The following MAP3K5 variants were observed in gnomAD, a reference collection of about 807,000 sequenced individuals.
MAP3K5 encodes the protein mitogen-activated protein kinase kinase kinase 5.
MAP3K5 carries 56 observed loss-of-function variants against 158.7 expected under a neutral mutation model. That is an observed-to-expected ratio of 0.35 (90% CI 0.28 to 0.44). The LOEUF is 0.44. MAP3K5 is among the 20% of genes least tolerant of loss of function. The pLI is 1.00. For missense variants in MAP3K5, 1,294 were observed against 1,674.8 expected (o/e 0.77, Z 3.97); for synonymous variants, 579 against 601.7 (o/e 0.96, Z 0.55).
In MAP3K5 at chr6:136,792,041, G is replaced by A. The variant is rs1175164234; in HGVS notation, c.117C>T (p.Gly39=). The A allele has an allele frequency of 1.3e-6, 2 of 1,541,930 alleles. No individual in the cohort carries two copies. The highest frequency in any genetic ancestry group is 2.1e-5 in the Admixed American group (1 of 47,594). ...GTGGCAGCTGGTGCTCCTCGCCCTC[G>A]CCCACCGCCGCCGCTCCTCCCCTCC... ...ICRRGGAAAV[G]EGEEHQLPPP... is the part of the protein sequence containing the mutation. The change falls in exon 1 of 30, where the codon GGC becomes GGT. Residue 39 remains glycine (G), a synonymous_variant. Transcript: ENST00000359015. This position sits in a 1 kb window ranked among gnomAD's most constrained non-coding sequence, Gnocchi z 5.7.
chr6:136,640,379 G>A (rs115254190), intron 12 of MAP3K5, among the ~76,000 whole-genome samples: 1 of 152,220 alleles, frequency 6.6e-6, no homozygotes, highest in Non-Finnish European at 1.5e-5. Context: ...TGAAGGACCA[G>A]ATGTAGTCCA....
At position 136,779,420 on chromosome 6, in the gene MAP3K5, G is replaced by A. The variant is rs117915805; in HGVS notation, c.448+12290C>T. Among the ~76,000 whole-genome samples, 52 of 136,902 alleles carry A rather than the reference G, an allele frequency of 3.8e-4. No homozygotes were observed. The East Asian group carries it at 0.01, about 26-fold the overall frequency. 89.8% of individuals were successfully genotyped at this position (136,902 alleles called of 152,430 possible). A position where few individuals can be genotyped will look rare whatever the true frequency, so the allele number is the denominator to read the frequency against. On this transcript the variant is annotated intron_variant, in intron 1 of 29. Coordinates refer to ENST00000359015, the MANE Select transcript of MAP3K5 (RefSeq NM_005923.4). ...ATCATGCCACTGAACTTTAGCCTGG[G>A]CAACAGAGTGACACCCTGTCTCAAA...
chr6:136,784,262 C>T (rs9483947), intron 1 of MAP3K5, among the ~76,000 whole-genome samples: 95,080 of 152,118 alleles, frequency 0.63, 29,824 homozygotes, highest in Admixed American at 0.68. Context: ...CAACATGCAG[C>T]TGATGATGTG....
Position 136,592,259 on chromosome 6 carries a change from C to G in MAP3K5, c.3139G>C (p.Asp1047His). 6.2e-7 allele frequency: 1 copy of G among 1,612,144 alleles called. No homozygotes were observed. Among genetic ancestry groups the G allele is most frequent in the Non-Finnish European group, 8.5e-7 (1 of 1,179,218 alleles). ...TGAAGGGTAGCTCGCCTCTCACTGTCCTTCCTCAGCATGAAGAATCCAGAA... is the reference window on the plus strand; with the variant it reads ...TGAAGGGTAGCTCGCCTCTCACTGTGCTTCCTCAGCATGAAGAATCCAGAA... Reference protein sequence around the residue: ...KDSGFFMLRKDSERRATLHRI... With the variant: ...KDSGFFMLRKHSERRATLHRI... Residue 1047 changes from aspartate to histidine, a missense_variant, in exon 23 of 30, where the codon GAC (aspartate) becomes CAC (histidine). Around this residue, in one of 5 missense-constraint regions of MAP3K5, gnomAD observed 362 missense variants for 463.2 expected, o/e 0.78. Coordinates refer to ENST00000359015, the MANE Select transcript of MAP3K5 (RefSeq NM_005923.4).
chr6:136,761,645 G>A (rs1015241697), intron 1 of MAP3K5, among the ~76,000 whole-genome samples: 13 of 152,168 alleles, frequency 8.5e-5, no homozygotes, highest in South Asian at 2.1e-4. Context: ...GCAACCCTGC[G>A]GCTGGGGCTG....
intron 1 of MAP3K5, among the ~76,000 whole-genome samples, chr6:136,763,608 C>T (rs1426542311): frequency 1.3e-5 from 2 of 152,160 alleles, no homozygotes; most frequent in Non-Finnish European, 2.9e-5. Flanking sequence ...ATTTCAATTG[C>T]TACTTTTTCA....
At chr6:136,619,290 T>C (rs1583283319) in intron 15 of MAP3K5, among the ~76,000 whole-genome samples, 2 of 151,794 alleles carry the variant, frequency 1.3e-5, no homozygotes, top group South Asian at 4.2e-4. Flanking sequence ...GTGGCTGGAG[T>C]GGAAGTGAGG....
intron 25 of MAP3K5, among the ~76,000 whole-genome samples, chr6:136,579,142 T>C (rs1211221974): frequency 1.3e-5 from 2 of 152,156 alleles, no homozygotes; most frequent in African/African-American, 4.8e-5. Flanking sequence ...TTTATATAAA[T>C]ATATATAAAT....
At chr6:136,769,752 G>T (rs1784103345) in intron 1 of MAP3K5, among the ~76,000 whole-genome samples, 1 of 23,366 alleles carries the variant, frequency 4.3e-5, no homozygotes, top group Non-Finnish European at 7.6e-5. Flanking sequence ...AGGAAGGAAG[G>T]AAGGAAGGAA....
At chr6:136,723,109 A>G (rs551346863) in intron 1 of MAP3K5, among the ~76,000 whole-genome samples, 1 of 114,520 alleles carries the variant, frequency 8.7e-6, no homozygotes, top group African/African-American at 3.8e-5. Flanking sequence ...TTACCCGTCC[A>G]TTGAAAAAAT....
chr6:136,621,845 G>A (rs1437551635), intron 15 of MAP3K5, among the ~76,000 whole-genome samples: 1 of 152,210 alleles, frequency 6.6e-6, no homozygotes, highest in Non-Finnish European at 1.5e-5. Context: ...CCAGCACTTT[G>A]GGAGGCCGAG....
At chr6:136,594,645 C>G (rs1775541282) in intron 21 of MAP3K5, among the ~76,000 whole-genome samples, 1 of 152,134 alleles carries the variant, frequency 6.6e-6, no homozygotes, top group South Asian at 2.1e-4. Flanking sequence ...GTTTCTTCAC[C>G]AGCCCATTTT....
intron 19 of MAP3K5, among the ~76,000 whole-genome samples, chr6:136,604,286 C>T (rs1776004966): frequency 6.6e-6 from 1 of 150,782 alleles, no homozygotes; most frequent in Non-Finnish European, 1.5e-5. Flanking sequence ...CGCGCCACTG[C>T]ACTCCAGCCT....
chr6:136,738,130 AT>A (rs1782552448), intron 1 of MAP3K5, among the ~76,000 whole-genome samples: 1 of 152,204 alleles, frequency 6.6e-6, no homozygotes, highest in Non-Finnish European at 1.5e-5. Flanking sequence ...AGAAAAATAA[AT>A]TGCACAATCA....
At chr6:136,562,056 C>A (rs997036492) in intron 27 of MAP3K5, among the ~76,000 whole-genome samples, 1 of 152,142 alleles carries the variant, frequency 6.6e-6, no homozygotes, top group Non-Finnish European at 1.5e-5. Context: ...TTCTGTTTTC[C>A]TCTAAATGGG....
chr6:136,651,454 G>A (rs1778516368), intron 10 of MAP3K5, among the ~76,000 whole-genome samples: 1 of 152,088 alleles, frequency 6.6e-6, no homozygotes, highest in Non-Finnish European at 1.5e-5. Flanking sequence ...ATATAAATGT[G>A]TCAAAGAAAG....
In MAP3K5 at chr6:136,562,189, A is replaced by G. The variant is rs927954153; in HGVS notation, c.3874+314T>C. On this transcript the variant is annotated intron_variant, in intron 27 of 29. Coordinates refer to ENST00000359015, the MANE Select transcript of MAP3K5 (RefSeq NM_005923.4). ...ATATAAATGCAAAATGACAAAAAAT[A>G]GTATTATTTATTCTAGTAAGCTCAT... Among the ~76,000 whole-genome samples the G allele has an allele frequency of 2.0e-5, 3 of 152,248 alleles. No individual in the cohort carries two copies. In the East Asian group the frequency reaches 5.8e-4, roughly 29 times the overall value.
At chr6:136,617,405 T>C (rs529785116) in intron 15 of MAP3K5, among the ~76,000 whole-genome samples, 1 of 152,286 alleles carries the variant, frequency 6.6e-6, no homozygotes, top group African/African-American at 2.4e-5. Flanking sequence ...CATATTTTGG[T>C]TTTGACAAAA....
intron 14 of MAP3K5, 178 bp downstream of exon 14, chr6:136,637,147 C>A: frequency 5.0e-6 from 7 of 1,390,802 alleles, no homozygotes; most frequent in Non-Finnish European, 6.6e-6. Context: ...AAGAATTCTC[C>A]AATGTTTACT....
Sources: gnomAD v4.1 joint callset for allele counts (sites outside exome capture counted in the v4.1 genomes callset) on GRCh38, gnomAD v4.1.1 for gene constraint, gnomAD v4.1.1 regional missense constraint, Gnocchi (gnomAD v3.1) non-coding constraint, MANE v1.5 for transcripts, NCBI Gene and HGNC (gene_info 2026-07-23, HGNC 2026-07-21) for gene names.